TSGA10: variants seen among roughly 807,000 people sequenced by gnomAD.
The protein encoded by TSGA10 is testis specific 10, also known as testis-specific gene 10 protein.
Under a neutral mutation model 96.6 loss-of-function variants are expected in TSGA10, and 43 were observed. That is an observed-to-expected ratio of 0.44 (90% CI 0.35 to 0.57). The LOEUF is 0.57. Ranked by LOEUF, TSGA10 falls within the 20% of genes least tolerant of loss-of-function variation. The pLI is 0.01. For missense variants in TSGA10, 703 were observed against 834.4 expected (o/e 0.84, Z 1.94); for synonymous variants, 229 against 269.9 (o/e 0.85, Z 1.48).
intron 4 of TSGA10, among the ~76,000 whole-genome samples, chr2:99,116,078 C>A (rs1230234604): frequency 6.6e-6 from 1 of 152,092 alleles, no homozygotes; most frequent in Non-Finnish European, 1.5e-5. Flanking sequence ...CTATAAGAGT[C>A]CTGTTACATT....
intron 4 of TSGA10, among the ~76,000 whole-genome samples, chr2:99,114,750 G>C (rs1038770633): frequency 6.6e-6 from 1 of 152,050 alleles, no homozygotes; most frequent in African/African-American, 2.4e-5. Context: ...CCCTGACATA[G>C]TACTTACTCT....
chr2:99,122,435 T>C (rs537676109), intron 2 of TSGA10, among the ~76,000 whole-genome samples: 1 of 151,720 alleles, frequency 6.6e-6, no homozygotes, highest in East Asian at 1.9e-4. Flanking sequence ...ATATTTCCTG[T>C]ACATGCATTT....
chr2:99,032,137 C>T (rs1208755466), intron 17 of TSGA10, among the ~76,000 whole-genome samples: 2 of 152,108 alleles, frequency 1.3e-5, no homozygotes, highest in Admixed American at 6.6e-5. Context: ...GAATCTGACA[C>T]TTATTTTAGT....
chr2:99,118,905 T>C (rs2092426521), intron 2 of TSGA10: 1 of 152,560 alleles, frequency 6.6e-6, no homozygotes, highest in Non-Finnish European at 1.5e-5. Flanking sequence ...TCTCATTGTG[T>C]ATTTAACAAA....
intron 20 of TSGA10, among the ~76,000 whole-genome samples, chr2:99,013,428 G>T (rs1267765297): frequency 6.6e-6 from 1 of 152,008 alleles, no homozygotes; most frequent in Non-Finnish European, 1.5e-5. Flanking sequence ...CACCCCCTGG[G>T]TTCACACTAT....
chr2:99,017,445 T>C (rs987749349), intron 20 of TSGA10, among the ~76,000 whole-genome samples: 5 of 151,798 alleles, frequency 3.3e-5, no homozygotes, highest in African/African-American at 9.7e-5. Context: ...TAAGTGAGAG[T>C]TAAGCTATGA....
intron 16 of TSGA10, among the ~76,000 whole-genome samples, chr2:99,058,089 ATG>A (rs1311062162): frequency 6.6e-6 from 1 of 152,204 alleles, no homozygotes; most frequent in Non-Finnish European, 1.5e-5. Flanking sequence ...ACTTCATACC[ATG>A]TGAAAAAAAA....
chr2:99,130,461 T>C (rs1430444543), intron 1 of TSGA10, among the ~76,000 whole-genome samples: 1 of 152,262 alleles, frequency 6.6e-6, no homozygotes, highest in East Asian at 1.9e-4. Context: ...TGCCCACTTT[T>C]TGATGGGGTC....
At chr2:99,148,129 T>C (rs6542866) in intron 1 of TSGA10, 79,168 of 152,072 alleles carry the variant, frequency 0.52, 22,141 homozygotes, top group Middle Eastern at 0.7. Context: ...TTCATAACAT[T>C]GACATTTTTA....
chr2:99,013,205 G>C (rs1043014812), intron 20 of TSGA10, among the ~76,000 whole-genome samples: 1 of 152,106 alleles, frequency 6.6e-6, no homozygotes, highest in South Asian at 2.1e-4. Flanking sequence ...GTATCCCAGA[G>C]GTTTTGATAA....
chr2:99,077,711 G>A (rs2086890845), intron 12 of TSGA10, among the ~76,000 whole-genome samples: 2 of 151,852 alleles, frequency 1.3e-5, no homozygotes, highest in South Asian at 2.1e-4. Flanking sequence ...ACAGGTGCCC[G>A]CCACCACGCC....
intron 1 of TSGA10, among the ~76,000 whole-genome samples, chr2:99,127,937 TTA>T (rs1574598983): frequency 6.6e-6 from 1 of 152,310 alleles, no homozygotes; most frequent in East Asian, 1.9e-4. Flanking sequence ...ATAACAAATG[TTA>T]GAGATTTTTC....
chr2:99,065,430 C>T (rs2085159113), intron 15 of TSGA10, among the ~76,000 whole-genome samples: 1 of 152,104 alleles, frequency 6.6e-6, no homozygotes, highest in Non-Finnish European at 1.5e-5. Context: ...GTTTGAAGTC[C>T]TCCACAGCCT....
intron 1 of TSGA10, among the ~76,000 whole-genome samples, chr2:99,151,651 T>C (rs1162530300): frequency 6.6e-6 from 1 of 152,150 alleles, no homozygotes; most frequent in African/African-American, 2.4e-5. Context: ...GACCAATAAA[T>C]TGCATATCTT....
intron 1 of TSGA10, among the ~76,000 whole-genome samples, chr2:99,150,198 A>G (rs951179804): frequency 5.9e-5 from 9 of 152,238 alleles, no homozygotes; most frequent in African/African-American, 2.2e-4. Context: ...GTAATGAATA[A>G]AGAGGTTTCG....
intron 2 of TSGA10, among the ~76,000 whole-genome samples, chr2:99,124,130 C>T (rs2092709540): frequency 6.6e-6 from 1 of 152,202 alleles, no homozygotes; most frequent in Non-Finnish European, 1.5e-5. Context: ...ACATCCTCAC[C>T]AACACTTGTT....
chr2:99,064,440 A>G (rs138183459), intron 16 of TSGA10, among the ~76,000 whole-genome samples: 16 of 152,340 alleles, frequency 1.1e-4, no homozygotes, highest in African/African-American at 3.4e-4. Flanking sequence ...AAACCAAAAC[A>G]TACCAAATAA....
At chr2:99,149,949 C>G (rs1034241658) in intron 1 of TSGA10, among the ~76,000 whole-genome samples, 2 of 151,984 alleles carry the variant, frequency 1.3e-5, no homozygotes, top group Non-Finnish European at 2.9e-5. Flanking sequence ...CATGCCACCA[C>G]ACCCAGCTAA....
At chr2:99,036,496 TATAA>T (rs2081639865) in intron 16 of TSGA10, among the ~76,000 whole-genome samples, 1 of 152,032 alleles carries the variant, frequency 6.6e-6, no homozygotes, top group Non-Finnish European at 1.5e-5. Flanking sequence ...CAAATAACTA[TATAA>T]ATACATACAA....
Sources: gnomAD v4.1 joint callset for allele counts (sites outside exome capture counted in the v4.1 genomes callset) on GRCh38, gnomAD v4.1.1 for gene constraint, MANE v1.5 for transcripts, NCBI Gene and HGNC (gene_info 2026-07-23, HGNC 2026-07-21) for gene names.